Variants in CSNK2A2IP observed in about 807,000 individuals in gnomAD.
The protein encoded by CSNK2A2IP is casein kinase 2 subunit alpha' interacting protein.
At chr3:88,386,809 G>A in the CSNK2A2IP span, among the ~76,000 whole-genome samples, 1 of 152,214 alleles carries the variant, frequency 6.6e-6, no homozygotes, top group Non-Finnish European at 1.5e-5. Context: ...ACGTAAGTGG[G>A]TAGCTGATAT....
At chr3:88,462,654 A>G in the CSNK2A2IP span, among the ~76,000 whole-genome samples, 1 of 152,234 alleles carries the variant, frequency 6.6e-6, no homozygotes, top group Non-Finnish European at 1.5e-5. Flanking sequence ...CTTGGTGTCT[A>G]AATGGCTTGG....
At chr3:88,429,909 C>G in the CSNK2A2IP span, among the ~76,000 whole-genome samples, 1 of 135,316 alleles carries the variant, frequency 7.4e-6, no homozygotes, top group South Asian at 2.9e-4. Flanking sequence ...CCCGCCACCA[C>G]GCCAGGCTAA....
the CSNK2A2IP span, among the ~76,000 whole-genome samples, chr3:88,353,554 A>G: frequency 3.3e-5 from 5 of 152,168 alleles, no homozygotes; most frequent in Non-Finnish European, 5.9e-5. Context: ...TCTCCTGGCC[A>G]ATGTTGGAAA....
chr3:88,432,905 A>G, the CSNK2A2IP span, among the ~76,000 whole-genome samples: 12,644 of 151,818 alleles, frequency 0.083, 926 homozygotes, highest in Admixed American at 0.24. Context: ...ATTAAGAATA[A>G]GAGTTCTGGT....
chr3:88,463,900 C>G, the CSNK2A2IP span, among the ~76,000 whole-genome samples: 17 of 151,880 alleles, frequency 1.1e-4, no homozygotes, highest in African/African-American at 4.1e-4. Flanking sequence ...TTGGAAACAA[C>G]CCAAATGTCC....
chr3:88,374,071 T>G, the CSNK2A2IP span, among the ~76,000 whole-genome samples: 1 of 151,666 alleles, frequency 6.6e-6, no homozygotes, highest in African/African-American at 2.4e-5. Flanking sequence ...CTATACAGAT[T>G]CCTTTAGGAA....
the CSNK2A2IP span, among the ~76,000 whole-genome samples, chr3:88,382,358 C>T: frequency 2.0e-5 from 3 of 152,166 alleles, no homozygotes; most frequent in African/African-American, 7.2e-5. Context: ...GTGACACTGC[C>T]TCCTCCCTAA....
the CSNK2A2IP span, among the ~76,000 whole-genome samples, chr3:88,361,399 A>G: frequency 6.6e-6 from 1 of 152,076 alleles, no homozygotes; most frequent in African/African-American, 2.4e-5. Flanking sequence ...CTGGGTTGGA[A>G]GATTTTTTTC....
At chr3:88,409,107 G>T in the CSNK2A2IP span, among the ~76,000 whole-genome samples, 1 of 152,042 alleles carries the variant, frequency 6.6e-6, no homozygotes, top group Non-Finnish European at 1.5e-5. Flanking sequence ...TCGGTGTCAA[G>T]TGTCTTCATA....
the CSNK2A2IP span, among the ~76,000 whole-genome samples, chr3:88,410,324 T>C: frequency 1.3e-5 from 2 of 152,072 alleles, no homozygotes; most frequent in Non-Finnish European, 1.5e-5. Flanking sequence ...TCTATAGCTA[T>C]TCATAGAAAG....
chr3:88,362,929 C>G, the CSNK2A2IP span, among the ~76,000 whole-genome samples: 1 of 152,164 alleles, frequency 6.6e-6, no homozygotes, highest in African/African-American at 2.4e-5. Flanking sequence ...GATACCCACA[C>G]TCCTGCGGCC....
chr3:88,396,152 T>C, the CSNK2A2IP span, among the ~76,000 whole-genome samples: 13 of 147,332 alleles, frequency 8.8e-5, no homozygotes. Flanking sequence ...TCGCCCAGGC[T>C]GGAGTGCAGT....
the CSNK2A2IP span, among the ~76,000 whole-genome samples, chr3:88,356,312 T>A: frequency 1.2e-3 from 190 of 152,170 alleles, 1 homozygote; most frequent in African/African-American, 4.4e-3. Context: ...GGATTCAATT[T>A]TTTTTTTAGC....
chr3:88,384,504 G>A, the CSNK2A2IP span, among the ~76,000 whole-genome samples: 1 of 152,162 alleles, frequency 6.6e-6, no homozygotes, highest in Non-Finnish European at 1.5e-5. Context: ...AAAGGAAGCT[G>A]GTGCGGCTGT....
At chr3:88,383,249 A>T in the CSNK2A2IP span, among the ~76,000 whole-genome samples, 3 of 152,238 alleles carry the variant, frequency 2.0e-5, no homozygotes, top group Non-Finnish European at 4.4e-5. Flanking sequence ...AAAATATAAG[A>T]GATTATGCAG....
the CSNK2A2IP span, among the ~76,000 whole-genome samples, chr3:88,452,806 A>G: frequency 6.6e-6 from 1 of 152,148 alleles, no homozygotes; most frequent in Non-Finnish European, 1.5e-5. Context: ...ATTGGTTAGC[A>G]TTAAATTTGC....
the CSNK2A2IP span, among the ~76,000 whole-genome samples, chr3:88,388,875 G>C: frequency 6.6e-6 from 1 of 151,724 alleles, no homozygotes; most frequent in African/African-American, 2.4e-5. Flanking sequence ...CTTCTGCTTG[G>C]TTTAATACCA....
chr3:88,404,230 A>G, the CSNK2A2IP span, among the ~76,000 whole-genome samples: 2 of 152,184 alleles, frequency 1.3e-5, 1 homozygote, highest in Admixed American at 1.3e-4. Context: ...AGACAGAGTC[A>G]ACACAGAAAC....
chr3:88,356,256 C>T, the CSNK2A2IP span, among the ~76,000 whole-genome samples: 18 of 152,196 alleles, frequency 1.2e-4, no homozygotes, highest in African/African-American at 4.3e-4. Flanking sequence ...TGTCCACCAC[C>T]GTTTCCTGCC....
Sources: gnomAD v4.1 joint callset for allele counts (sites outside exome capture counted in the v4.1 genomes callset) on GRCh38, gnomAD v4.1.1 for gene constraint, MANE v1.5 for transcripts, NCBI Gene and HGNC (gene_info 2026-07-23, HGNC 2026-07-21) for gene names.